The following DNAH2 variants were observed in gnomAD, a reference collection of about 807,000 sequenced individuals.
The protein encoded by DNAH2 is axonemal beta dynein heavy chain 2.
In DNAH2, 323 loss-of-function variants were observed where a neutral mutation model predicts 523.5. That is an observed-to-expected ratio of 0.62 (90% CI 0.56 to 0.68). The LOEUF is 0.68. Ranked by LOEUF, DNAH2 falls within the 30% of genes least tolerant of loss-of-function variation. The pLI is 0.00. For missense variants in DNAH2, 4,907 were observed against 5,701.5 expected, an observed-to-expected ratio of 0.86 and a Z score of 4.49; for synonymous variants, 2,093 against 2,177.4, an observed-to-expected ratio of 0.96 and a Z score of 1.08.
chr17:7,823,480 T>C lies in DNAH2; in HGVS notation c.11181T>C (p.Ser3727=), dbSNP rs149965641. The part of the protein sequence containing the change: ...DREGQMDNPC[S]SWLADAYWDN... ...AGGGCCAAATGGACAATCCATGTAG[T>C]AGCTGGCTTGCAGATGCCTACTGGG... Residue 3727 remains serine, a synonymous_variant, in exon 74 of 86, where the codon AGT becomes AGC. Transcript: ENST00000572933. 15 of 1,614,080 alleles carry C rather than the reference T, an allele frequency of 9.3e-6. No homozygotes were observed. The highest frequency in any genetic ancestry group is 1.3e-5 in the Non-Finnish European group (15 of 1,179,990).
chr17:7,765,885 C>G (rs2076153690), intron 21 of DNAH2, among the ~76,000 whole-genome samples: 1 of 151,944 alleles, frequency 6.6e-6, no homozygotes, highest in African/African-American at 2.4e-5. Context: ...TCAAACGATT[C>G]TCCTGCCTCA....
In DNAH2 at chr17:7,798,571, G is replaced by A; in HGVS notation, c.8412G>A (p.Leu2804=). 6.2e-7 allele frequency: 1 copy of A among 1,614,088 alleles called. No individual in the cohort carries two copies. The highest frequency in any genetic ancestry group is 8.5e-7 in the Non-Finnish European group (1 of 1,180,024). Residue 2804 remains leucine, a synonymous_variant, in exon 55 of 86, where the codon CTG becomes CTA. Coordinates refer to ENST00000572933, the MANE Select transcript of DNAH2 (RefSeq NM_020877.5). This position sits in a 1 kb window ranked among gnomAD's most constrained non-coding sequence, Gnocchi z 5.5. ...KQEFRDDIKR[L]YRQAGVELKT... ...TCCCCCGGCCAGATATCAAGCGTCTGTATCGCCAGGCTGGGGTGGAGCTCA... is the reference window on the plus strand; with the variant it reads ...TCCCCCGGCCAGATATCAAGCGTCTATATCGCCAGGCTGGGGTGGAGCTCA...
At position 7,758,610 on chromosome 17, in the gene DNAH2, A is replaced by G. The variant is rs768995910; in HGVS notation, c.2167A>G (p.Ser723Gly). The G allele has an allele frequency of 2.0e-5, 33 of 1,614,008 alleles. No individual in the cohort carries two copies. The highest frequency in any genetic ancestry group is 2.6e-5 in the Non-Finnish European group (31 of 1,180,022). Residue 723 changes from serine to glycine, a missense_variant, in exon 14 of 86, where the codon AGT (serine) becomes GGT (glycine). This residue lies in a region of DNAH2 where 2,806 missense variants were observed against 3,190.8 expected (regional missense o/e 0.88). Coordinates refer to ENST00000572933, the MANE Select transcript of DNAH2 (RefSeq NM_020877.5). ...ACTGCACTGGGCCTTGAAGGGGGCC[A>G]GTGCCTTCTTCATCACGGAGTGCCG... ...KKLHWALKGA[S>G]AFFITECRIH...
In DNAH2 at chr17:7,719,860, T is replaced by G. The variant is rs1249117798; in HGVS notation, c.126T>G (p.Ser42Arg). 1 of 1,594,856 alleles carries G rather than the reference T, an allele frequency of 6.3e-7. No homozygotes were observed. Among genetic ancestry groups the G allele is most frequent in the East Asian group, 2.2e-5 (1 of 44,504 alleles). The change falls in exon 2 of 86, where the codon AGT (serine) becomes AGG (arginine). Residue 42 changes from serine to arginine, a missense_variant. Ser to Arg is a moderately radical substitution (Grantham distance 110). Around this residue, in one of 3 missense-constraint regions of DNAH2, gnomAD observed 2,806 missense variants for 3,190.8 expected, o/e 0.88. Coordinates refer to ENST00000572933, the MANE Select transcript of DNAH2 (RefSeq NM_020877.5). ...TQEQGNAPAV[S>R]EPELQAELPK... ...AGCAGGGGAATGCCCCGGCTGTCAG[T>G]GAGCCAGAGCTGCAGGCTGAGCTCC...
Position 7,727,143 on chromosome 17 carries a change from G to A in DNAH2, c.250G>A (p.Ala84Thr). 6.4e-7 allele frequency: 1 copy of A among 1,574,432 alleles called. No individual in the cohort carries two copies. Among genetic ancestry groups the A allele is most frequent in the South Asian group, 1.2e-5 (1 of 83,920 alleles). ...GTAGAAGCCCCTCTTCCTTTCCCGA[G>A]CTGCGCTGACAGGACTGGCGGATGC... ...ADVKPLFLSR[A>T]ALTGLADAVW... is the part of the protein sequence containing the mutation. The change falls in exon 4 of 86, where the codon GCT becomes ACT. Residue 84 changes from alanine (A) to threonine (T), a missense_variant. By Grantham distance (58) the Ala-to-Thr change is moderately conservative (BLOSUM62 0). Coordinates refer to ENST00000572933, the MANE Select transcript of DNAH2 (RefSeq NM_020877.5).
intron 31 of DNAH2, 68 bp downstream of exon 31, chr17:7,776,217 GC>G: frequency 6.4e-7 from 1 of 1,563,890 alleles, no homozygotes; most frequent in Non-Finnish European, 8.7e-7. Flanking sequence ...TGTAATCCCA[GC>G]ACTTTGGGAG....
At chr17:7,775,186 A>G in intron 29 of DNAH2, 55 bp from the exon 30 acceptor site, 2 of 1,566,588 alleles carry the variant, frequency 1.3e-6, no homozygotes, top group East Asian at 2.3e-5. Context: ...CAGGACTTCT[A>G]GGCGGACACC....
At chr17:7,792,900 C>T (rs1293779727) in intron 47 of DNAH2, 45 bp downstream of exon 47, 4 of 1,604,196 alleles carry the variant, frequency 2.5e-6, no homozygotes, top group East Asian at 2.2e-5. Context: ...CCCTTGGGAT[C>T]CAAGTGCCTG....
rs775649847 is a variant in DNAH2, at chr17:7,734,522, G to T, written c.792G>T (p.Glu264Asp). 5.0e-6 allele frequency: 8 copies of T among 1,613,926 alleles called. No homozygotes were observed. Among genetic ancestry groups the T allele is most frequent in the Non-Finnish European group, 6.8e-6 (8 of 1,180,010 alleles). ...RQIKEMLSAQ[E>D]TVETGENLGP... ...TAAAGGAGATGCTCAGTGCCCAGGA[G>T]ACTGTGGAGACAGGAGAAAATTTAG... Residue 264 changes from glutamate to aspartate, a missense_variant, in exon 7 of 86, where the codon GAG becomes GAT. Around this residue, in one of 3 missense-constraint regions of DNAH2, gnomAD observed 2,806 missense variants for 3,190.8 expected, o/e 0.88. Coordinates refer to ENST00000572933, the MANE Select transcript of DNAH2 (RefSeq NM_020877.5).
intron 12 of DNAH2, among the ~76,000 whole-genome samples, chr17:7,756,339 G>A (rs145410925): frequency 0.018 from 2,787 of 150,666 alleles, 98 homozygotes; most frequent in African/African-American, 0.062. Flanking sequence ...GCAGTGGTGC[G>A]ATCTTGGCTC....
In DNAH2 at chr17:7,765,502, A is replaced by T. The variant is rs1451641813; in HGVS notation, c.3448A>T (p.Ile1150Phe). 3.1e-6 allele frequency: 5 copies of T among 1,614,112 alleles called. No homozygotes were observed. Among genetic ancestry groups the T allele is most frequent in the Non-Finnish European group, 4.2e-6 (5 of 1,180,054 alleles). The stretch of plus-strand genomic sequence containing the variant: ...CAAGGAGAAATTCAAGACAGGCCTG[A>T]TCCACTCGGCAGATGACTTCAAGAA... ...KHKEKFKTGL[I>F]HSADDFKKKA... The change falls in exon 21 of 86, where the codon ATC becomes TTC. Residue 1150 changes from isoleucine (I) to phenylalanine (F), a missense_variant. Transcript: ENST00000572933.
intron 29 of DNAH2, 23 bp from the exon 30 acceptor site, chr17:7,775,218 T>C: frequency 1.2e-6 from 2 of 1,606,534 alleles, no homozygotes; most frequent in Non-Finnish European, 1.7e-6. Flanking sequence ...GGCCAGGCTC[T>C]GAGTAGCTTC....
intron 28 of DNAH2, 43 bp from the exon 29 acceptor site, chr17:7,774,716 C>A (rs2076402075): frequency 6.4e-7 from 1 of 1,568,838 alleles, no homozygotes; most frequent in African/African-American, 1.3e-5. Context: ...CCGCCCAGGG[C>A]AGTGGAAATG....
chr17:7,818,615 C>T lies in DNAH2; in HGVS notation c.10537-28C>T, dbSNP rs538912446. ...AGGTGAAGGTCGAAGGAGTGACAGC[C>T]CCTCACTGTGAGTCCTGATGCCCCC... On this transcript the variant is annotated intron_variant, in intron 69 of 85. Coordinates refer to ENST00000572933, the MANE Select transcript of DNAH2 (RefSeq NM_020877.5). The T allele has an allele frequency of 3.7e-6, 6 of 1,612,636 alleles. No homozygotes were observed. The East Asian group carries it at 6.7e-5, about 18-fold the overall frequency.
chr17:7,741,023 G>C, intron 11 of DNAH2, 31 bp downstream of exon 11: 3 of 1,574,382 alleles, frequency 1.9e-6, no homozygotes, highest in Non-Finnish European at 2.6e-6. Context: ...ATATTCTGTC[G>C]TCAGTGAGAC....
chr17:7,768,338 A>G lies in DNAH2; in HGVS notation c.3941+71A>G, dbSNP rs2076228079. 4.7e-6 allele frequency: 7 copies of G among 1,482,582 alleles called. No individual in the cohort carries two copies. In the South Asian group the frequency reaches 5.7e-5, roughly 12 times the overall value. The allele number at this position is 1,482,582 out of a possible 1,614,324, so 91.8% of individuals were successfully genotyped here. On this transcript the variant is annotated intron_variant, in intron 24 of 85. Transcript: ENST00000572933. ...CCTGCGCCACCACTTGGTCCCTCCC[A>G]TTCTCCTCTCCGCAGTGTTCACAGC...
chr17:7,804,881 T>C (rs1481513079), intron 59 of DNAH2, 77 bp from the exon 60 acceptor site: 3 of 1,269,046 alleles, frequency 2.4e-6, no homozygotes, highest in Non-Finnish European at 3.3e-6. Context: ...TTCTCTTTCA[T>C]CTTTTCCACC....
Position 7,721,335 on chromosome 17 carries a change from G to A in DNAH2, c.166+1435G>A, listed in dbSNP as rs555276170. On this transcript the variant is annotated intron_variant, in intron 2 of 85. Transcript: ENST00000572933. ...ATTACAGGCGTGTGCCACCACACCCGGCTAATTTTTGTATTTTTAGTAGAG... is the reference window on the plus strand; with the variant it reads ...ATTACAGGCGTGTGCCACCACACCCAGCTAATTTTTGTATTTTTAGTAGAG... 3.1e-3 allele frequency among the ~76,000 whole-genome samples: 465 copies of A among 151,982 alleles called. 1 individual carries two copies. Among genetic ancestry groups the A allele is most frequent in the Middle Eastern group, 0.014 (4 of 294 alleles).
At chr17:7,776,756 A>T in intron 31 of DNAH2, 23 bp from the exon 32 acceptor site, 1 of 1,596,116 alleles carries the variant, frequency 6.3e-7, no homozygotes, top group South Asian at 1.1e-5. Flanking sequence ...GGGCTTTGGG[A>T]CGTGGCTTCT....
Sources: allele counts gnomAD v4.1 joint callset (sites outside exome capture counted in the v4.1 genomes callset), GRCh38; gene constraint gnomAD v4.1.1; regional missense constraint gnomAD v4.1.1; non-coding constraint Gnocchi (gnomAD v3.1); transcripts MANE v1.5; gene names NCBI Gene and HGNC (gene_info 2026-07-23, HGNC 2026-07-21).